Variants in NLRP14 observed in about 807,000 individuals in gnomAD.
The protein encoded by NLRP14 is NACHT, LRR and PYD domains-containing protein 14.
A neutral mutation model predicts 94.7 loss-of-function variants in NLRP14; 105 were observed. The observed-to-expected ratio is 1.11, with a 90% confidence interval of 0.95 to 1.30. The LOEUF is 1.30. Among genes scored for constraint, NLRP14 ranks in the 50% most tolerant of loss-of-function variants. The pLI is 0.00. For missense variants in NLRP14, 1,362 were observed against 1,254.1 expected, an observed-to-expected ratio of 1.09 and a Z score of -1.30; for synonymous variants, 508 against 459.9, an observed-to-expected ratio of 1.10 and a Z score of -1.34.
intron 1 of NLRP14, among the ~76,000 whole-genome samples, chr11:7,036,787 A>T (rs1347308169): frequency 6.6e-6 from 1 of 152,148 alleles, no homozygotes; most frequent in Non-Finnish European, 1.5e-5. Context: ...AGATTGAAGA[A>T]GTTTGACTAT....
chr11:7,087,826 A>G, the NLRP14 span, among the ~76,000 whole-genome samples: 1 of 152,220 alleles, frequency 6.6e-6, no homozygotes, highest in African/African-American at 2.4e-5. Flanking sequence ...AGAAATTGCA[A>G]AAGTACCGAA....
intron 6 of NLRP14, among the ~76,000 whole-genome samples, chr11:7,051,793 T>C (rs560911793): frequency 3.3e-5 from 5 of 151,976 alleles, no homozygotes; most frequent in African/African-American, 1.2e-4. Flanking sequence ...CGGCTTATTT[T>C]TGTGTTTTTA....
chr11:7,065,013 T>C (rs888917638), intron 10 of NLRP14, among the ~76,000 whole-genome samples: 2 of 152,058 alleles, frequency 1.3e-5, no homozygotes, highest in Admixed American at 6.6e-5. Flanking sequence ...TAAGCCCTGA[T>C]ACGCACTACA....
At chr11:7,040,255 G>A (rs1435997855) in intron 3 of NLRP14, among the ~76,000 whole-genome samples, 4 of 152,120 alleles carry the variant, frequency 2.6e-5, no homozygotes, top group Non-Finnish European at 5.9e-5. Context: ...ACTGGTCGGC[G>A]GCCCCTCGGG....
the NLRP14 span, chr11:7,089,483 C>G: frequency 1.0e-5 from 13 of 1,256,592 alleles, no homozygotes; most frequent in Non-Finnish European, 1.3e-5. Context: ...CGCGGCGTTC[C>G]CCATCCCGGG....
chr11:7,058,531 A>G, intron 8 of NLRP14, 81 bp downstream of exon 8: 1 of 1,069,858 alleles, frequency 9.3e-7, no homozygotes, highest in Non-Finnish European at 1.4e-6. Context: ...TTATGAACAC[A>G]TTCTGTCCCT....
downstream of NLRP14, among the ~76,000 whole-genome samples, chr11:7,073,398 G>A (rs999906832): frequency 2.0e-5 from 3 of 152,202 alleles, no homozygotes; most frequent in African/African-American, 7.2e-5. Context: ...TTCCCATGCA[G>A]TTCTGGTCAC....
At chr11:7,030,225 AG>A (rs1262079656) in intron 1 of NLRP14, among the ~76,000 whole-genome samples, 2 of 152,234 alleles carry the variant, frequency 1.3e-5, no homozygotes, top group Non-Finnish European at 2.9e-5. Context: ...GACTGTCTTC[AG>A]GGGCCAAGGC....
At chr11:7,057,130 C>T (rs373837075) in intron 6 of NLRP14, among the ~76,000 whole-genome samples, 510 of 152,128 alleles carry the variant, frequency 3.4e-3, no homozygotes, top group Middle Eastern at 0.01. Flanking sequence ...ATATGAGTCT[C>T]TCTACATGTA....
chr11:7,042,627 G>A lies in NLRP14; in HGVS notation c.601G>A (p.Ala201Thr). The change falls in exon 4 of 12, where the codon GCA becomes ACA. Residue 201 changes from alanine (A) to threonine (T), a missense_variant. Ala to Thr is a moderately conservative substitution (Grantham distance 58). Transcript: ENST00000299481. ...GGTGAGAAAGGCAATGTTAGATTGG[G>A]CAGAGGGCAGTCTCTACCAGCAGAG... Reference protein sequence around the residue: ...TLVRKAMLDWAEGSLYQQRFK... With the variant: ...TLVRKAMLDWTEGSLYQQRFK... The A allele has an allele frequency of 6.2e-7, 1 of 1,614,128 alleles. No individual in the cohort carries two copies. The highest frequency in any genetic ancestry group is 8.5e-7 in the Non-Finnish European group (1 of 1,179,958).
the NLRP14 span, chr11:7,089,596 C>T: frequency 3.4e-6 from 4 of 1,188,008 alleles, no homozygotes; most frequent in Non-Finnish European, 4.2e-6. Flanking sequence ...AGGGTCGGCC[C>T]ACCCCCCAAG....
chr11:7,029,355 T>C (rs11041144), intron 1 of NLRP14, among the ~76,000 whole-genome samples: 14,317 of 152,244 alleles, frequency 0.094, 744 homozygotes, highest in Admixed American at 0.16. Context: ...TTTGCAGACC[T>C]TTTAGATATT....
intron 6 of NLRP14, among the ~76,000 whole-genome samples, chr11:7,052,530 G>C (rs541942534): frequency 6.6e-6 from 1 of 152,178 alleles, no homozygotes; most frequent in South Asian, 2.1e-4. Flanking sequence ...CTACTCAGGA[G>C]GCTGAGACAG....
intron 10 of NLRP14, among the ~76,000 whole-genome samples, chr11:7,070,032 C>A (rs1012075783): frequency 2.6e-5 from 4 of 152,110 alleles, no homozygotes; most frequent in Non-Finnish European, 5.9e-5. Flanking sequence ...TATTTTGTAA[C>A]GTGCTTGCAT....
chr11:7,051,249 C>T lies in NLRP14; in HGVS notation c.2291+1411C>T, dbSNP rs368303205. ...CCATTATGTGGGACTGCATGTTCCC[C>T]CAGTGTGGATGGCCACTGAGGAGCA... On this transcript the variant is annotated intron_variant, in intron 6 of 11. Transcript: ENST00000299481. 7.9e-4 allele frequency among the ~76,000 whole-genome samples: 120 copies of T among 152,282 alleles called. 5 individuals are homozygous for T. In the South Asian group the frequency reaches 0.024, roughly 31 times the overall value.
the NLRP14 span, among the ~76,000 whole-genome samples, chr11:7,082,173 A>C: frequency 6.6e-6 from 1 of 152,204 alleles, no homozygotes; most frequent in South Asian, 2.1e-4. Flanking sequence ...TTTGACCATG[A>C]ATTCTTTATA....
At chr11:7,046,524 TG>T in intron 4 of NLRP14, 143 bp from the exon 5 acceptor site, 1 of 746,570 alleles carries the variant, frequency 1.3e-6, no homozygotes, top group Non-Finnish European at 2.4e-6. Context: ...GACTTCCTGG[TG>T]GACTGTGCCC....
chr11:7,076,634 A>C, the NLRP14 span, among the ~76,000 whole-genome samples: 1 of 151,682 alleles, frequency 6.6e-6, no homozygotes, highest in African/African-American at 2.4e-5. Context: ...TGAGCACTCT[A>C]TCTTATATAT....
intron 1 of NLRP14, among the ~76,000 whole-genome samples, chr11:7,026,124 G>A (rs1310661562): frequency 6.6e-6 from 1 of 152,116 alleles, no homozygotes; most frequent in South Asian, 2.1e-4. Flanking sequence ...AACACCAAAA[G>A]CAATGGCAAC....
Sources: gnomAD v4.1 joint callset for allele counts (sites outside exome capture counted in the v4.1 genomes callset) on GRCh38, gnomAD v4.1.1 for gene constraint, MANE v1.5 for transcripts, NCBI Gene and HGNC (gene_info 2026-07-23, HGNC 2026-07-21) for gene names.